ATF7: variants seen among roughly 807,000 people sequenced by gnomAD.
The protein encoded by ATF7 is activating transcription factor 7.
Under a neutral mutation model 50.4 loss-of-function variants are expected in ATF7, and 10 were observed. The observed-to-expected ratio is 0.20, with a 90% CI of 0.12 to 0.34. The LOEUF (loss-of-function observed/expected upper bound fraction) is 0.34, where lower values mean the gene tolerates loss of function less well. Ranked by LOEUF, ATF7 falls within the 10% of genes least tolerant of loss-of-function variation. ATF7 has a pLI of 1.00. For missense variants in ATF7, 465 were observed against 613.9 expected (o/e 0.76, Z 2.56); for synonymous variants, 201 against 226.4 (o/e 0.89, Z 1.01).
At chr12:53,574,213 G>C (rs759739043) in intron 2 of ATF7, among the ~76,000 whole-genome samples, 40 of 152,122 alleles carry the variant, frequency 2.6e-4, no homozygotes, top group Non-Finnish European at 5.7e-4. Flanking sequence ...GATAATATAA[G>C]AAGAGAGATG....
chr12:53,569,293 C>T (rs888687003), intron 2 of ATF7, among the ~76,000 whole-genome samples: 2 of 152,246 alleles, frequency 1.3e-5, no homozygotes, highest in African/African-American at 4.8e-5. Flanking sequence ...GGGAAATTGT[C>T]TTGTTCCTGT....
intron 1 of ATF7, among the ~76,000 whole-genome samples, chr12:53,620,404 G>A (rs1281192834): frequency 2.6e-5 from 4 of 151,012 alleles, no homozygotes; most frequent in Admixed American, 6.6e-5. Context: ...GTGAAACCCC[G>A]TCTCTACTAA....
intron 2 of ATF7, among the ~76,000 whole-genome samples, chr12:53,557,478 C>T (rs761523729): frequency 9.9e-5 from 15 of 152,214 alleles, no homozygotes; most frequent in Non-Finnish European, 2.2e-4. Flanking sequence ...TGGAGATTTA[C>T]AGGTGTGAGC....
chr12:53,534,579 G>A lies in ATF7; in HGVS notation c.483C>T (p.Gly161=). 6.2e-7 allele frequency: 1 copy of A among 1,613,830 alleles called. No homozygotes were observed. The highest frequency in any genetic ancestry group is 1.1e-5 in the South Asian group (1 of 91,060). ...GAAGGGTTGGATGAAGTGGATCATA[G>A]CCCAAGTGGAGAGGCAGGGAGCCAG... ...VRPGSLPLHL[G]YDPLHPTLPS... The change falls in exon 6 of 12, where the codon GGC becomes GGT. Residue 161 remains glycine, a synonymous_variant. Transcript: ENST00000420353.
At chr12:53,509,822 T>C (rs577244672), downstream of ATF7, among the ~76,000 whole-genome samples, 3 of 152,116 alleles carry the variant, frequency 2.0e-5, no homozygotes, top group East Asian at 1.9e-4. Flanking sequence ...ATAGTCTTTT[T>C]TGCTCAAGGG....
intron 1 of ATF7, among the ~76,000 whole-genome samples, chr12:53,622,154 A>G (rs1944406284): frequency 6.6e-6 from 1 of 151,942 alleles, no homozygotes; most frequent in African/African-American, 2.4e-5. Flanking sequence ...TACAAAAATT[A>G]GCTAGGCATG....
At chr12:53,625,799 G>C (rs1158496883) in intron 1 of ATF7, among the ~76,000 whole-genome samples, 2 of 152,028 alleles carry the variant, frequency 1.3e-5, no homozygotes, top group Non-Finnish European at 2.9e-5. Flanking sequence ...TCTTTGGGAA[G>C]CCCTGGGTTT....
intron 2 of ATF7, among the ~76,000 whole-genome samples, chr12:53,555,162 A>G (rs1940645261): frequency 6.6e-6 from 1 of 151,722 alleles, no homozygotes; most frequent in African/African-American, 2.4e-5. Context: ...TCTACTAAAA[A>G]TACAGAATTA....
At chr12:53,590,629 A>G (rs1192605386) in intron 2 of ATF7, among the ~76,000 whole-genome samples, 3 of 152,196 alleles carry the variant, frequency 2.0e-5, no homozygotes, top group African/African-American at 7.2e-5. Context: ...GAGACTCCCA[A>G]CAGAGAAGAA....
chr12:53,598,924 C>A (rs1943271750), intron 2 of ATF7, among the ~76,000 whole-genome samples: 1 of 152,070 alleles, frequency 6.6e-6, no homozygotes, highest in Non-Finnish European at 1.5e-5. Flanking sequence ...ACCAAAAATG[C>A]CTATTTTTCA....
At chr12:53,563,399 T>C (rs767832365) in intron 2 of ATF7, among the ~76,000 whole-genome samples, 2 of 152,048 alleles carry the variant, frequency 1.3e-5, no homozygotes, top group African/African-American at 2.4e-5. Flanking sequence ...GAGAATTGCT[T>C]GACCCCAAGA....
chr12:53,535,897 A>C (rs1175295895), intron 5 of ATF7, among the ~76,000 whole-genome samples: 2 of 151,944 alleles, frequency 1.3e-5, no homozygotes, highest in African/African-American at 4.9e-5. Flanking sequence ...TCACGTCTGT[A>C]ATCGCAGCAC....
At chr12:53,549,943 C>A (rs1940222305) in intron 3 of ATF7, among the ~76,000 whole-genome samples, 1 of 152,116 alleles carries the variant, frequency 6.6e-6, no homozygotes, top group East Asian at 1.9e-4. Flanking sequence ...GTCTCGAACT[C>A]CTGACCTCAG....
chr12:53,614,970 C>T (rs1489678421), intron 1 of ATF7, among the ~76,000 whole-genome samples: 1 of 151,978 alleles, frequency 6.6e-6, no homozygotes, highest in African/African-American at 2.4e-5. Flanking sequence ...ATCTCAGCTA[C>T]TCAGGAAGCT....
At chr12:53,591,279 T>C in intron 2 of ATF7, among the ~76,000 whole-genome samples, 1 of 151,964 alleles carries the variant, frequency 6.6e-6, no homozygotes, top group East Asian at 1.9e-4. Context: ...ATAAGCTGTA[T>C]AAAAAGGACA....
chr12:53,531,952 A>G (rs1938926812), intron 8 of ATF7, 56 bp from the exon 9 acceptor site: 4 of 1,590,720 alleles, frequency 2.5e-6, no homozygotes, highest in Admixed American at 1.7e-5. Flanking sequence ...ATCAAGGATG[A>G]GAAGAGTGGC....
chr12:53,604,715 T>A (rs1943534370), intron 1 of ATF7, among the ~76,000 whole-genome samples: 1 of 152,152 alleles, frequency 6.6e-6, no homozygotes, highest in Admixed American at 6.5e-5. Context: ...AAAAAGCAGA[T>A]ACTGCTAGGT....
In ATF7 at chr12:53,532,524, A is replaced by G; in HGVS notation, c.760T>C (p.Ser254Pro). The change falls in exon 8 of 12, where the codon TCA becomes CCA. Residue 254 changes from serine (S) to proline (P), a missense_variant. Ser to Pro is a moderately conservative substitution (Grantham distance 74, BLOSUM62 -1). Coordinates refer to ENST00000420353, the MANE Select transcript of ATF7 (RefSeq NM_006856.3). ...SISPSGHPIP[S>P]EAKMRLKATL... Reference sequence around the variant, plus strand: ...GATGTACTCACCATCTTGGCTTCTGATGGTATAGGGTGGCCAGAGGGAGAA... The same window carrying G: ...GATGTACTCACCATCTTGGCTTCTGGTGGTATAGGGTGGCCAGAGGGAGAA... The G allele has an allele frequency of 6.3e-7, 1 of 1,599,696 alleles. No homozygotes were observed. Among genetic ancestry groups the G allele is most frequent in the East Asian group, 2.2e-5 (1 of 44,512 alleles).
intron 2 of ATF7, among the ~76,000 whole-genome samples, chr12:53,560,491 G>C (rs569530082): frequency 6.6e-6 from 1 of 152,244 alleles, no homozygotes; most frequent in African/African-American, 2.4e-5. Flanking sequence ...ACGGGGATTA[G>C]GAATCTAACA....
Sources: gnomAD v4.1 joint callset for allele counts (sites outside exome capture counted in the v4.1 genomes callset) on GRCh38, gnomAD v4.1.1 for gene constraint, MANE v1.5 for transcripts, NCBI Gene and HGNC (gene_info 2026-07-23, HGNC 2026-07-21) for gene names.